DOCK4: variants seen among roughly 807,000 people sequenced by gnomAD.
DOCK4 encodes the protein dedicator of cytokinesis 4.
DOCK4 carries 97 observed loss-of-function variants against 268.1 expected under a neutral mutation model. That is an observed-to-expected ratio of 0.36 (90% CI 0.31 to 0.43). DOCK4 has a LOEUF of 0.43. Ranked by LOEUF, DOCK4 falls within the 20% of genes least tolerant of loss-of-function variation. The pLI, the probability that DOCK4 is intolerant of heterozygous loss-of-function variation, is 1.00. For synonymous variants in DOCK4, 954 were observed against 887.2 expected (o/e 1.08, Z -1.34); for missense variants, 2,145 against 2,455.7 (o/e 0.87, Z 2.67).
intron 1 of DOCK4, among the ~76,000 whole-genome samples, chr7:112,105,856 T>C (rs940658693): frequency 1.3e-5 from 2 of 151,962 alleles, no homozygotes; most frequent in African/African-American, 4.8e-5. Flanking sequence ...GTCTGGCTAA[T>C]TTTGAAAAAA....
intron 30 of DOCK4, among the ~76,000 whole-genome samples, chr7:111,798,173 C>T (rs1259084551): frequency 6.6e-6 from 1 of 152,196 alleles, no homozygotes; most frequent in Admixed American, 6.5e-5. Flanking sequence ...CCACCTCAAC[C>T]CTGTCCAGCC....
At chr7:111,970,591 T>C (rs754187878) in intron 8 of DOCK4, among the ~76,000 whole-genome samples, 1 of 152,178 alleles carries the variant, frequency 6.6e-6, no homozygotes, top group African/African-American at 2.4e-5. Context: ...CAGATAAATA[T>C]GCTCTAAGAA....
In DOCK4 at chr7:111,926,450, GAGAGAGAA is replaced by G. The variant is rs1387595810; in HGVS notation, c.1066+9082_1066+9089del. ...GAAAAAAGAAAGACAGAGAGAGAGA[GAGAGAGAA>G]AGAGAAAAAGAAAGAAAGAAAGAAA... On this transcript the variant is annotated intron_variant, in intron 12 of 52. Transcript: ENST00000428084. Among the ~76,000 whole-genome samples, 35 of 133,806 alleles carry G rather than the reference GAGAGAGAA, an allele frequency of 2.6e-4. 1 individual carries two copies. The highest frequency in any genetic ancestry group is 4.5e-4 in the Non-Finnish European group (28 of 62,476). The allele number at this position is 133,806 out of a possible 152,430, so 87.8% of individuals were successfully genotyped here. A position where few individuals can be genotyped will look rare whatever the true frequency, so the allele number is the denominator to read the frequency against.
At chr7:112,083,782 C>A (rs1329797568) in intron 1 of DOCK4, among the ~76,000 whole-genome samples, 2 of 152,048 alleles carry the variant, frequency 1.3e-5, no homozygotes, top group Non-Finnish European at 2.9e-5. Context: ...TAGTATGGAA[C>A]CTTGTTAGAG....
At chr7:112,097,048 T>C (rs530762654) in intron 1 of DOCK4, among the ~76,000 whole-genome samples, 2 of 152,234 alleles carry the variant, frequency 1.3e-5, no homozygotes, top group African/African-American at 2.4e-5. Flanking sequence ...CAGGACCTGG[T>C]TACCGCAAAA....
At chr7:111,988,501 G>A (rs1799228063) in intron 6 of DOCK4, among the ~76,000 whole-genome samples, 1 of 152,136 alleles carries the variant, frequency 6.6e-6, no homozygotes, top group Admixed American at 6.5e-5. Context: ...CTCTCAAGCA[G>A]CTCCTCAAAG....
intron 1 of DOCK4, among the ~76,000 whole-genome samples, chr7:112,150,457 T>C (rs1815954042): frequency 6.6e-6 from 1 of 152,142 alleles, no homozygotes; most frequent in Admixed American, 6.6e-5. Flanking sequence ...GATAACCTCG[T>C]CCTGTCTTGC....
At chr7:111,987,880 C>A (rs1327304169) in intron 6 of DOCK4, among the ~76,000 whole-genome samples, 2 of 152,188 alleles carry the variant, frequency 1.3e-5, no homozygotes, top group Non-Finnish European at 2.9e-5. Flanking sequence ...CTCTTCTATT[C>A]ATTGTCTGTA....
chr7:111,739,296 G>T (rs1795728934), intron 48 of DOCK4, 53 bp from the exon 49 acceptor site: 1 of 1,594,484 alleles, frequency 6.3e-7, no homozygotes, highest in Non-Finnish European at 8.6e-7. Flanking sequence ...TGCTGCACCT[G>T]TTTGGAGGCG....
At chr7:112,072,943 G>A (rs73210926) in intron 1 of DOCK4, among the ~76,000 whole-genome samples, 1 of 152,132 alleles carries the variant, frequency 6.6e-6, no homozygotes, top group Non-Finnish European at 1.5e-5. Flanking sequence ...CCCCTCCCAC[G>A]TGCTGGCAGG....
chr7:111,760,455 ACAATCTGAAAAGTTTGCC>A (rs1797314797), intron 39 of DOCK4, 133 bp from the exon 40 acceptor site: 2 of 926,566 alleles, frequency 2.2e-6, no homozygotes, highest in Non-Finnish European at 3.2e-6. Flanking sequence ...TTACGCTGGA[ACAATCTGAAAAGTTTGCC>A]CAATTGTTAA....
intron 1 of DOCK4, among the ~76,000 whole-genome samples, chr7:112,143,869 C>T (rs774828198): frequency 2.6e-5 from 4 of 152,334 alleles, no homozygotes; most frequent in Middle Eastern, 3.4e-3. Flanking sequence ...GTCTCAATCA[C>T]AGCACTTGCA....
At chr7:112,106,084 C>G (rs981573803) in intron 1 of DOCK4, among the ~76,000 whole-genome samples, 1 of 152,136 alleles carries the variant, frequency 6.6e-6, no homozygotes, top group African/African-American at 2.4e-5. Context: ...TGGCTTGTGG[C>G]AAGAGAAGAG....
At chr7:112,085,343 G>C (rs1586792458) in intron 1 of DOCK4, among the ~76,000 whole-genome samples, 1 of 151,958 alleles carries the variant, frequency 6.6e-6, no homozygotes, top group South Asian at 2.1e-4. Context: ...AAGAAACAGA[G>C]GTCAAAGTGA....
At chr7:112,126,349 T>C (rs1383828425) in intron 1 of DOCK4, among the ~76,000 whole-genome samples, 6 of 152,110 alleles carry the variant, frequency 3.9e-5, no homozygotes, top group African/African-American at 1.4e-4. Flanking sequence ...GAGATGAAGG[T>C]AAAGCTCACA....
At chr7:112,164,534 T>C (rs950335372) in intron 1 of DOCK4, among the ~76,000 whole-genome samples, 1 of 152,222 alleles carries the variant, frequency 6.6e-6, no homozygotes, top group East Asian at 1.9e-4. Context: ...ATACTAAGTA[T>C]GTACTGCTTC....
intron 39 of DOCK4, among the ~76,000 whole-genome samples, chr7:111,763,874 C>G (rs771335618): frequency 6.6e-6 from 1 of 152,108 alleles, no homozygotes; most frequent in African/African-American, 2.4e-5. Flanking sequence ...TTTTAATTTT[C>G]ATTTTCTGGG....
chr7:112,098,766 C>T (rs1586819337), intron 1 of DOCK4, among the ~76,000 whole-genome samples: 1 of 149,466 alleles, frequency 6.7e-6, no homozygotes, highest in South Asian at 2.1e-4. Flanking sequence ...TAGTATTTAA[C>T]AGGCTCATGA....
chr7:112,094,078 A>G (rs1282151561), intron 1 of DOCK4, among the ~76,000 whole-genome samples: 2 of 152,100 alleles, frequency 1.3e-5, no homozygotes, highest in African/African-American at 2.4e-5. Flanking sequence ...TAAAATATAT[A>G]TCAATAGGTT....
Sources: gnomAD v4.1 joint callset for allele counts (sites outside exome capture counted in the v4.1 genomes callset) on GRCh38, gnomAD v4.1.1 for gene constraint, MANE v1.5 for transcripts, NCBI Gene and HGNC (gene_info 2026-07-23, HGNC 2026-07-21) for gene names.